The following RPSA2 variants were observed in gnomAD, a reference collection of about 807,000 sequenced individuals.
RPSA2 encodes the protein ribosomal protein SA 2, also known as small ribosomal subunit protein uS2B.
chr19:23,818,218 CTG>C, the RPSA2 span: 1 of 152,164 alleles, frequency 6.6e-6, no homozygotes, highest in Admixed American at 6.5e-5. Flanking sequence ...ACAAGAGCCT[CTG>C]TGGCCATTTA....
the RPSA2 span, among the ~76,000 whole-genome samples, chr19:23,864,332 A>G: frequency 1.3e-5 from 2 of 152,182 alleles, no homozygotes; most frequent in African/African-American, 4.8e-5. Context: ...CATTCCATTA[A>G]TTTCCTCATG....
chr19:23,792,342 T>A, the RPSA2 span, among the ~76,000 whole-genome samples: 1 of 152,162 alleles, frequency 6.6e-6, no homozygotes, highest in East Asian at 1.9e-4. Context: ...AACCTGATTA[T>A]CCAAGACATG....
the RPSA2 span, among the ~76,000 whole-genome samples, chr19:23,817,254 T>C: frequency 6.6e-6 from 1 of 152,084 alleles, no homozygotes; most frequent in Non-Finnish European, 1.5e-5. Context: ...TGGTGGTGCA[T>C]GCCTGTAATC....
At chr19:23,870,371 A>G in the RPSA2 span, among the ~76,000 whole-genome samples, 3 of 143,600 alleles carry the variant, frequency 2.1e-5, no homozygotes, top group African/African-American at 7.8e-5. Context: ...GAACAAGTAC[A>G]AAGCTTACAG....
chr19:23,806,642 A>G, the RPSA2 span, among the ~76,000 whole-genome samples: 3 of 151,838 alleles, frequency 2.0e-5, no homozygotes, highest in Non-Finnish European at 4.4e-5. Flanking sequence ...AAAATTAGCC[A>G]GGCATGGTGG....
At chr19:23,867,754 C>T in the RPSA2 span, among the ~76,000 whole-genome samples, 14 of 150,812 alleles carry the variant, frequency 9.3e-5, no homozygotes, top group Admixed American at 4.7e-4. Context: ...GGCGTGAACC[C>T]GGGAGGCAGA....
the RPSA2 span, among the ~76,000 whole-genome samples, chr19:23,864,555 T>C: frequency 2.0e-5 from 3 of 152,130 alleles, no homozygotes; most frequent in African/African-American, 7.2e-5. Context: ...GCATACATGG[T>C]CACCACTATC....
the RPSA2 span, among the ~76,000 whole-genome samples, chr19:23,839,284 C>G: frequency 6.6e-6 from 1 of 152,146 alleles, no homozygotes; most frequent in African/African-American, 2.4e-5. Context: ...TTTTATTCCA[C>G]TGTGATCTGA....
the RPSA2 span, among the ~76,000 whole-genome samples, chr19:23,849,276 G>A: frequency 3.9e-5 from 6 of 152,320 alleles, no homozygotes; most frequent in South Asian, 1.0e-3. Flanking sequence ...CAGTGGCAAT[G>A]CCCGATGTTC....
the RPSA2 span, among the ~76,000 whole-genome samples, chr19:23,800,065 A>T: frequency 8.3e-6 from 1 of 120,036 alleles, no homozygotes; most frequent in East Asian, 2.4e-4. Flanking sequence ...GTCTCGCTGT[A>T]TTTCCCAGGC....
chr19:23,785,478 C>T, the RPSA2 span, among the ~76,000 whole-genome samples: 1 of 152,080 alleles, frequency 6.6e-6, no homozygotes, highest in South Asian at 2.1e-4. Flanking sequence ...ATCACTAGGC[C>T]CAGGTACCAG....
At chr19:23,795,762 A>G in the RPSA2 span, among the ~76,000 whole-genome samples, 4 of 152,082 alleles carry the variant, frequency 2.6e-5, no homozygotes, top group South Asian at 8.3e-4. Flanking sequence ...TTGAGGATGA[A>G]TGCTTCAAGC....
the RPSA2 span, among the ~76,000 whole-genome samples, chr19:23,840,962 CA>C: frequency 5.9e-4 from 69 of 117,708 alleles, no homozygotes; most frequent in African/African-American, 2.2e-3. Context: ...AACTCCGTCT[CA>C]AAAAAAAAAA....
At chr19:23,821,219 A>G in the RPSA2 span, among the ~76,000 whole-genome samples, 1 of 152,212 alleles carries the variant, frequency 6.6e-6, no homozygotes. Flanking sequence ...TTAGTTTGTC[A>G]GCTTCCCATG....
At chr19:23,760,841 G>A in the RPSA2 span, among the ~76,000 whole-genome samples, 1 of 150,728 alleles carries the variant, frequency 6.6e-6, no homozygotes, top group Admixed American at 6.6e-5. Flanking sequence ...ATTTTTGTAT[G>A]TTTAGCAGAG....
At chr19:23,784,666 T>G in the RPSA2 span, among the ~76,000 whole-genome samples, 5 of 152,182 alleles carry the variant, frequency 3.3e-5, no homozygotes, top group African/African-American at 1.2e-4. Context: ...TACTGTCTCT[T>G]GCATGCACAC....
At chr19:23,815,766 T>TG in the RPSA2 span, among the ~76,000 whole-genome samples, 1 of 152,188 alleles carries the variant, frequency 6.6e-6, no homozygotes, top group Non-Finnish European at 1.5e-5. Flanking sequence ...ACAATTATAT[T>TG]CTATGTATTT....
the RPSA2 span, among the ~76,000 whole-genome samples, chr19:23,857,263 C>T: frequency 3.5e-4 from 54 of 152,162 alleles, no homozygotes; most frequent in African/African-American, 1.0e-3. Context: ...CCTGAGGTGA[C>T]GTACACCTTC....
chr19:23,760,766 G>A, the RPSA2 span, among the ~76,000 whole-genome samples: 1 of 150,348 alleles, frequency 6.7e-6, no homozygotes, highest in Non-Finnish European at 1.5e-5. Context: ...CCAGGTTCAA[G>A]CAATCCTCCT....
Sources: gnomAD v4.1 joint callset for allele counts (sites outside exome capture counted in the v4.1 genomes callset) on GRCh38, gnomAD v4.1.1 for gene constraint, MANE v1.5 for transcripts, NCBI Gene and HGNC (gene_info 2026-07-23, HGNC 2026-07-21) for gene names.